The following FMNL3 variants were observed in gnomAD, a reference collection of about 807,000 sequenced individuals.
The protein encoded by FMNL3 is formin like 3, also known as formin-like protein 3.
FMNL3 carries 57 observed loss-of-function variants against 119.6 expected under a neutral mutation model. The ratio of observed to expected loss-of-function variants is 0.48; its 90% confidence interval spans 0.39 to 0.59. The LOEUF (loss-of-function observed/expected upper bound fraction) is 0.59, where lower values mean the gene tolerates loss of function less well. Among genes scored for constraint, FMNL3 ranks in the 20% least tolerant of loss-of-function variants. FMNL3 has a pLI of 0.00. For synonymous variants in FMNL3, 491 were observed against 507.3 expected, an observed-to-expected ratio of 0.97 and a Z score of 0.43; for missense variants, 1,053 against 1,323.5, an observed-to-expected ratio of 0.80 and a Z score of 3.17.
rs534325209 is a variant in FMNL3, at chr12:49,692,351, C to T, written c.126+14704G>A. ...CAAAAAAAAAAACTTCAGTCTACCC[C>T]CTCCCTACCCAATTTTTATTCCTCC... On this transcript the variant is annotated intron_variant, in intron 1 of 25. Transcript: ENST00000335154. 6.6e-5 allele frequency among the ~76,000 whole-genome samples: 10 copies of T among 151,966 alleles called. No individual in the cohort carries two copies. In the South Asian group the frequency reaches 2.1e-3, roughly 32 times the overall value.
chr12:49,687,094 T>TA (rs200056245), intron 1 of FMNL3, among the ~76,000 whole-genome samples: 24,536 of 145,814 alleles, frequency 0.17, 3,390 homozygotes, highest in African/African-American at 0.39. Flanking sequence ...TCTTCCCCAT[T>TA]CCTTTTTTTT....
In FMNL3 at chr12:49,649,221, C is replaced by G. The variant is rs1340940572; in HGVS notation, c.2385+38G>C. ...CACTCTGGCTCCACAACTGCTGCCC[C>G]CCAGGCTTCCTGGCCCACGCTGCCC... is the stretch of plus-strand genomic sequence containing the variant. On this transcript the variant is annotated intron_variant, in intron 20 of 25. Transcript: ENST00000335154. This position sits in a 1 kb window ranked among gnomAD's most constrained non-coding sequence, Gnocchi z 5.6. 2 of 1,613,600 alleles carry G rather than the reference C, an allele frequency of 1.2e-6. No homozygotes were observed. Among genetic ancestry groups the G allele is most frequent in the Non-Finnish European group, 1.7e-6 (2 of 1,179,786 alleles).
At chr12:49,655,984 C>T (rs935185981) in intron 9 of FMNL3, among the ~76,000 whole-genome samples, 3 of 152,162 alleles carry the variant, frequency 2.0e-5, no homozygotes. Flanking sequence ...CCTCCCATTT[C>T]AAAACACATG....
chr12:49,696,603 G>A (rs1944757745), intron 1 of FMNL3, among the ~76,000 whole-genome samples: 1 of 152,220 alleles, frequency 6.6e-6, no homozygotes, highest in South Asian at 2.1e-4. Flanking sequence ...TGAATCCACA[G>A]ATACAGAACC....
Position 49,668,472 on chromosome 12 carries a change from T to C in FMNL3, c.209A>G (p.Gln70Arg). Residue 70 changes from glutamine (Q) to arginine (R), a missense_variant and splice_region_variant, in exon 2 of 26, where the codon CAG (glutamine) becomes CGG (arginine). By Grantham distance (43) the Gln-to-Arg change is conservative. Coordinates refer to ENST00000335154, the MANE Select transcript of FMNL3 (RefSeq NM_175736.5). The stretch of plus-strand genomic sequence containing the variant: ...CCTCCTCTTTCCCAAACCCCATACC[T>C]GGTCACAGATCAGATCCCATTTCTT... ...NEKKWDLICDQERFQVKNPPH... is the reference protein window; with the variant it reads ...NEKKWDLICDRERFQVKNPPH... 6.2e-7 allele frequency: 1 copy of C among 1,613,964 alleles called. No homozygotes were observed. The highest frequency in any genetic ancestry group is 8.5e-7 in the Non-Finnish European group (1 of 1,179,994).
At chr12:49,646,126 T>C (rs891251531) in intron 25 of FMNL3, among the ~76,000 whole-genome samples, 4 of 152,070 alleles carry the variant, frequency 2.6e-5, no homozygotes, top group African/African-American at 9.7e-5. Context: ...TAGAGGCCAC[T>C]GGGCAGTGGA....
Position 49,687,637 on chromosome 12 carries a change from T to A in FMNL3, c.127-19083A>T, listed in dbSNP as rs993939074. 4.6e-5 allele frequency among the ~76,000 whole-genome samples: 7 copies of A among 152,240 alleles called. No homozygotes were observed. The South Asian group carries it at 1.4e-3, about 31-fold the overall frequency. On this transcript the variant is annotated intron_variant, in intron 1 of 25. Transcript: ENST00000335154. ...TTTATTGTTCTCCCCAACAACAATG[T>A]GAATGCTATGAGACTGGCTTGTCTT...
At position 49,636,826 on chromosome 12, in the gene FMNL3, C is replaced by T. The variant is rs756035810; in HGVS notation, c.*8989G>A. The T allele has an allele frequency of 4.3e-6, 7 of 1,614,104 alleles. No individual in the cohort carries two copies. The highest frequency in any genetic ancestry group is 5.9e-6 in the Non-Finnish European group (7 of 1,180,038). On this transcript the variant is annotated 3_prime_UTR_variant, in exon 26 of 26. Transcript: ENST00000335154. ...CCGGCTTCGGGAGCGACGCCAACAA[C>T]GCAAGAATCGGGAGGCCTTCCAGGT...
intron 4 of FMNL3, among the ~76,000 whole-genome samples, chr12:49,662,929 C>A (rs1368965463): frequency 2.0e-5 from 3 of 152,214 alleles, no homozygotes; most frequent in Admixed American, 2.0e-4. Flanking sequence ...GTGCTCTACT[C>A]CTTCAGAATT....
rs1943598506 is a variant in FMNL3, at chr12:49,657,204, C to G, written c.606-14G>C. 1 of 1,603,288 alleles carries G rather than the reference C, an allele frequency of 6.2e-7. No homozygotes were observed. Among genetic ancestry groups the G allele is most frequent in the Non-Finnish European group, 8.5e-7 (1 of 1,170,422 alleles). ...AGAGTGCTATACCTGGGGAGATGGG[C>G]CAGGCAGTCAGGTGGGAGCTGAGGC... is the stretch of plus-strand genomic sequence containing the variant. On this transcript the variant is annotated splice_polypyrimidine_tract_variant and intron_variant, in intron 6 of 25. Transcript: ENST00000335154.
At chr12:49,656,572 G>A in intron 8 of FMNL3, 75 bp from the exon 9 acceptor site, 2 of 1,375,602 alleles carry the variant, frequency 1.5e-6, no homozygotes, top group South Asian at 1.3e-5. Flanking sequence ...CCCTGACTGG[G>A]TAAGTCCTTT....
chr12:49,666,674 C>A (rs1049506371), intron 2 of FMNL3, among the ~76,000 whole-genome samples: 1 of 152,030 alleles, frequency 6.6e-6, no homozygotes, highest in Non-Finnish European at 1.5e-5. Flanking sequence ...CTACCACATG[C>A]CTGTAGCCCT....
At chr12:49,685,546 A>G (rs1944436175) in intron 1 of FMNL3, among the ~76,000 whole-genome samples, 1 of 152,124 alleles carries the variant, frequency 6.6e-6, no homozygotes. Context: ...GCCAAGAATT[A>G]CCCCAGTACC....
chr12:49,660,898 AG>A (rs1943715035), intron 5 of FMNL3, among the ~76,000 whole-genome samples: 1 of 152,248 alleles, frequency 6.6e-6, no homozygotes, highest in African/African-American at 2.4e-5. Context: ...GCTTGAGCCC[AG>A]GAAGTCAAGC....
In FMNL3 at chr12:49,643,722, A is replaced by G; in HGVS notation, c.*2093T>C. The G allele has an allele frequency of 6.2e-7, 1 of 1,614,134 alleles. No homozygotes were observed. The highest frequency in any genetic ancestry group is 1.3e-5 in the African/African-American group (1 of 75,022). ...GCCTTCGGAAAGCCAAGAAACCAAA[A>G]AAGAAAACTAAGAAGAGAAGACACA... On this transcript the variant is annotated 3_prime_UTR_variant, in exon 26 of 26. Transcript: ENST00000335154.
intron 4 of FMNL3, 124 bp downstream of exon 4, chr12:49,665,708 G>C (rs1943870921): frequency 9.9e-7 from 1 of 1,010,834 alleles, no homozygotes; most frequent in East Asian, 2.4e-5. Context: ...GCCATTCAAG[G>C]GGCAACTCTG....
intron 5 of FMNL3, among the ~76,000 whole-genome samples, chr12:49,660,123 T>G (rs975785640): frequency 1.3e-5 from 2 of 152,230 alleles, no homozygotes; most frequent in Admixed American, 6.5e-5. Flanking sequence ...TAACACTGTA[T>G]CCTCTTGTAC....
At chr12:49,680,632 A>G (rs1370613190) in intron 1 of FMNL3, among the ~76,000 whole-genome samples, 1 of 152,234 alleles carries the variant, frequency 6.6e-6, no homozygotes, top group Admixed American at 6.5e-5. Flanking sequence ...CAGCTAGGAA[A>G]AAACACCTCT....
chr12:49,672,726 C>T (rs1329348626), intron 1 of FMNL3, among the ~76,000 whole-genome samples: 2 of 152,210 alleles, frequency 1.3e-5, no homozygotes, highest in African/African-American at 4.8e-5. Flanking sequence ...TCATTTCCTT[C>T]CCACTGCAGG....
Sources: allele counts gnomAD v4.1 joint callset (sites outside exome capture counted in the v4.1 genomes callset), GRCh38; gene constraint gnomAD v4.1.1; non-coding constraint Gnocchi (gnomAD v3.1); transcripts MANE v1.5; gene names NCBI Gene and HGNC (gene_info 2026-07-23, HGNC 2026-07-21).